TRDN: variants seen among roughly 807,000 people sequenced by gnomAD.
TRDN encodes triadin.
TRDN carries 161 observed loss-of-function variants against 149.7 expected under a neutral mutation model. That is an observed-to-expected ratio of 1.08 (90% CI 0.95 to 1.23). TRDN has a LOEUF of 1.23. Ranked by LOEUF, TRDN falls within the 50% of genes most tolerant of loss-of-function variation. The pLI, the probability that TRDN is intolerant of heterozygous loss-of-function variation, is 0.00. For synonymous variants in TRDN, 294 were observed against 250.5 expected, an observed-to-expected ratio of 1.17 and a Z score of -1.64; for missense variants, 896 against 823.5, an observed-to-expected ratio of 1.09 and a Z score of -1.08.
At chr6:123,379,280 G>A (rs1781625005) in intron 16 of TRDN, among the ~76,000 whole-genome samples, 1 of 152,082 alleles carries the variant, frequency 6.6e-6, no homozygotes, top group Non-Finnish European at 1.5e-5. Flanking sequence ...AATAAGTGTG[G>A]TATAATGAGC....
At chr6:123,516,460 G>A (rs74375834) in intron 5 of TRDN, among the ~76,000 whole-genome samples, 12 of 152,036 alleles carry the variant, frequency 7.9e-5, no homozygotes, top group East Asian at 3.9e-4. Context: ...GAATACCCCC[G>A]TCAGCTTTTC....
intron 5 of TRDN, among the ~76,000 whole-genome samples, chr6:123,517,884 G>T (rs1013137018): frequency 1.3e-5 from 2 of 151,962 alleles, no homozygotes; most frequent in Non-Finnish European, 2.9e-5. Flanking sequence ...TAATAATATT[G>T]ATATTGTTAA....
intron 21 of TRDN, among the ~76,000 whole-genome samples, chr6:123,347,761 C>A (rs1482088650): frequency 6.6e-6 from 1 of 152,032 alleles, no homozygotes; most frequent in Non-Finnish European, 1.5e-5. Context: ...GATGGAAGGT[C>A]CTTTAGAGAT....
At chr6:123,236,927 A>G (rs1038121519) in intron 38 of TRDN, among the ~76,000 whole-genome samples, 1 of 143,388 alleles carries the variant, frequency 7.0e-6, no homozygotes, top group Non-Finnish European at 1.5e-5. Flanking sequence ...AAGAGATTTT[A>G]TATATTAAGA....
chr6:123,455,880 T>C (rs1776091559), intron 10 of TRDN, among the ~76,000 whole-genome samples: 1 of 152,328 alleles, frequency 6.6e-6, no homozygotes, highest in African/African-American at 2.4e-5. Flanking sequence ...TTCTACATTT[T>C]TCTGTAATTG....
chr6:123,247,172 A>G (rs1173712685), intron 38 of TRDN, among the ~76,000 whole-genome samples: 1 of 152,236 alleles, frequency 6.6e-6, no homozygotes, highest in Non-Finnish European at 1.5e-5. Context: ...AGCTGGAAGC[A>G]TTCCCTTTGA....
intron 12 of TRDN, chr6:123,418,549 A>G (rs2114534360): frequency 6.6e-6 from 1 of 152,274 alleles, no homozygotes; most frequent in Middle Eastern, 3.4e-3. Flanking sequence ...TTCCAAAAGA[A>G]CAAGTACCTC....
At position 123,446,640 on chromosome 6, in the gene TRDN, A is replaced by C. The variant is rs182228967; in HGVS notation, c.932-7637T>G. Among the ~76,000 whole-genome samples the C allele has an allele frequency of 3.3e-3, 500 of 150,054 alleles. 2 individuals are homozygous for C. Among genetic ancestry groups the C allele is most frequent in the Non-Finnish European group, 6.2e-3 (417 of 67,632 alleles). On this transcript the variant is annotated intron_variant, in intron 10 of 40. Coordinates refer to ENST00000334268, the MANE Select transcript of TRDN (RefSeq NM_006073.4). ...GCTAGGCCTAGTGAGGCCAGAGTAG[A>C]GGACTCAGGAGGGGAGTGTTGAGTG...
intron 1 of TRDN, among the ~76,000 whole-genome samples, chr6:123,634,994 TA>T (rs1019529744): frequency 6.6e-6 from 1 of 151,948 alleles, no homozygotes; most frequent in African/African-American, 2.4e-5. Context: ...AATTTTCCTG[TA>T]AAAAGTCTTT....
intron 1 of TRDN, among the ~76,000 whole-genome samples, chr6:123,586,682 G>C (rs1048118956): frequency 6.6e-6 from 1 of 152,064 alleles, no homozygotes; most frequent in African/African-American, 2.4e-5. Flanking sequence ...GGTTAGATGA[G>C]AGTTGAAGAG....
At chr6:123,427,380 A>AATAATCTAGAC (rs1324419850) in intron 12 of TRDN, among the ~76,000 whole-genome samples, 1 of 152,082 alleles carries the variant, frequency 6.6e-6, no homozygotes, top group African/African-American at 2.4e-5. Context: ...TCAAAATTTA[A>AATAATCTAGAC]ATAATCTAGA....
intron 2 of TRDN, among the ~76,000 whole-genome samples, chr6:123,558,697 G>C (rs572799835): frequency 2.3e-4 from 35 of 152,186 alleles, no homozygotes; most frequent in Middle Eastern, 3.4e-3. Flanking sequence ...TTAAATTCCA[G>C]CCCTCAAACC....
At chr6:123,265,496 T>C (rs576779684) in intron 32 of TRDN, among the ~76,000 whole-genome samples, 158 bp from the exon 33 acceptor site, 2 of 151,586 alleles carry the variant, frequency 1.3e-5, no homozygotes, top group African/African-American at 2.4e-5. Flanking sequence ...TTTAATAATT[T>C]TCATATCATA....
At chr6:123,626,770 G>A (rs1448309432) in intron 1 of TRDN, among the ~76,000 whole-genome samples, 2 of 151,652 alleles carry the variant, frequency 1.3e-5, no homozygotes, top group African/African-American at 4.8e-5. Context: ...AAAAAAATTT[G>A]TAATGTAAAA....
intron 12 of TRDN, among the ~76,000 whole-genome samples, chr6:123,415,834 T>C (rs1352456049): frequency 6.6e-6 from 1 of 152,182 alleles, no homozygotes; most frequent in Non-Finnish European, 1.5e-5. Flanking sequence ...AAATAACTAC[T>C]GGGCTAAACT....
chr6:123,363,888 TGTACATA>T (rs1237631767), intron 20 of TRDN, among the ~76,000 whole-genome samples: 5 of 152,360 alleles, frequency 3.3e-5, no homozygotes, highest in Middle Eastern at 3.4e-3. Flanking sequence ...GAGGTTTCTC[TGTACATA>T]GTGAACCCAA....
At chr6:123,221,349 C>G in intron 40 of TRDN, 138 bp downstream of exon 40, 1 of 459,290 alleles carries the variant, frequency 2.2e-6, no homozygotes, top group Non-Finnish European at 3.9e-6. Context: ...AAATGACCTA[C>G]TTTAATGTTA....
At chr6:123,313,254 A>G (rs982689591) in intron 24 of TRDN, among the ~76,000 whole-genome samples, 2 of 151,868 alleles carry the variant, frequency 1.3e-5, no homozygotes, top group African/African-American at 2.4e-5. Flanking sequence ...GTGAAGATCA[A>G]TTTTATCCAC....
chr6:123,566,808 G>A (rs1323545228), intron 2 of TRDN, among the ~76,000 whole-genome samples: 1 of 152,070 alleles, frequency 6.6e-6, no homozygotes, highest in Admixed American at 6.5e-5. Flanking sequence ...AACTGTTATT[G>A]AAGCCATAAT....
Sources: gnomAD v4.1 joint callset for allele counts (sites outside exome capture counted in the v4.1 genomes callset) on GRCh38, gnomAD v4.1.1 for gene constraint, MANE v1.5 for transcripts, NCBI Gene and HGNC (gene_info 2026-07-23, HGNC 2026-07-21) for gene names.